The following PCSK7 variants were observed in gnomAD, a reference collection of about 807,000 sequenced individuals.
The protein encoded by PCSK7 is lymphoma proprotein convertase.
PCSK7 carries 38 observed loss-of-function variants against 73.3 expected under a neutral mutation model. That is an observed-to-expected ratio of 0.52 (90% CI 0.40 to 0.68). The LOEUF is 0.68. Among genes scored for constraint, PCSK7 ranks in the 30% least tolerant of loss-of-function variants. The probability of loss-of-function intolerance (pLI) is 0.00; values close to 1 mark genes in which losing one functional copy is unlikely to be tolerated. For synonymous variants in PCSK7, 296 were observed against 383.8 expected (o/e 0.77, Z 2.68); for missense variants, 692 against 991.5 (o/e 0.70, Z 4.06).
chr11:117,228,423 GC>G, intron 3 of PCSK7, 73 bp from the exon 4 acceptor site: 1 of 1,413,840 alleles, frequency 7.1e-7, no homozygotes, highest in Non-Finnish European at 1.0e-6. Flanking sequence ...ATAGCTAGCA[GC>G]CCCTTTTCAC....
chr11:117,224,349 A>G (rs1010133778), intron 7 of PCSK7, 133 bp from the exon 8 acceptor site: 4 of 847,210 alleles, frequency 4.7e-6, no homozygotes, highest in Middle Eastern at 2.8e-4. Flanking sequence ...CATGGGGGAA[A>G]GATTGGAAGA....
intron 12 of PCSK7, chr11:117,215,364 T>TTTTTTTTTTTTGTGTGTGTGTGTG (rs57433360): frequency 2.1e-4 from 18 of 84,894 alleles, no homozygotes; most frequent in African/African-American, 6.0e-4. Flanking sequence ...CCTGGCTAAT[T>TTTTTTTTTTTTGTGTGTGTGTGTG]TGTGTGTGTG....
intron 1 of PCSK7, among the ~76,000 whole-genome samples, chr11:117,230,835 C>T (rs1360940781): frequency 3.3e-5 from 5 of 152,048 alleles, no homozygotes; most frequent in Admixed American, 2.0e-4. Flanking sequence ...AGGAGGGAGG[C>T]GGCGGGGGCG....
At chr11:117,208,794 C>T in intron 13 of PCSK7, 103 bp downstream of exon 13, 1 of 1,157,368 alleles carries the variant, frequency 8.6e-7, no homozygotes, top group Non-Finnish European at 1.2e-6. Context: ...ATAGCCAGTG[C>T]CACAGTAGTT....
chr11:117,212,949 C>T (rs953309028), intron 12 of PCSK7: 1 of 152,268 alleles, frequency 6.6e-6, no homozygotes, highest in African/African-American at 2.4e-5. Flanking sequence ...CTCATGAGCT[C>T]AAGCAATCTG....
At position 117,223,924 on chromosome 11, in the gene PCSK7, C is replaced by T. The variant is rs150303021; in HGVS notation, c.1054+154G>A. 23 of 752,572 alleles carry T rather than the reference C, an allele frequency of 3.1e-5. No individual in the cohort carries two copies. In the East Asian group the frequency reaches 5.9e-4, roughly 19 times the overall value. 46.6% of individuals were successfully genotyped at this position (752,572 alleles called of 1,614,324 possible). A position where few individuals can be genotyped will look rare whatever the true frequency, so the allele number is the denominator to read the frequency against. On this transcript the variant is annotated intron_variant, in intron 8 of 16. Coordinates refer to ENST00000320934, the MANE Select transcript of PCSK7 (RefSeq NM_004716.4). ...AGGGTATGCTGACATCTAAGAAGTCCCAAGGTCCTCTGCAAGCAGGGCTAG... is the reference window on the plus strand; with the variant it reads ...AGGGTATGCTGACATCTAAGAAGTCTCAAGGTCCTCTGCAAGCAGGGCTAG...
intron 9 of PCSK7, 24 bp downstream of exon 9, chr11:117,223,184 G>C: frequency 1.4e-6 from 2 of 1,413,758 alleles, no homozygotes; most frequent in South Asian, 1.1e-5. Context: ...GGGGCAGGCC[G>C]TGGAGGGCCC....
At position 117,223,077 on chromosome 11, in the gene PCSK7, C is replaced by G. The variant is rs545958455; in HGVS notation, c.1155+131G>C. On this transcript the variant is annotated intron_variant, in intron 9 of 16. Coordinates refer to ENST00000320934, the MANE Select transcript of PCSK7 (RefSeq NM_004716.4). ...CAAGGGTGGCATGCCTTAAGACATC[C>G]AGCTCTGTGGGGGAAGAGGAGCCTG... The G allele has an allele frequency of 1.3e-5, 9 of 693,736 alleles. No individual in the cohort carries two copies. In the African/African-American group the frequency reaches 1.6e-4, roughly 12 times the overall value. 43.0% of individuals were successfully genotyped at this position (693,736 alleles called of 1,614,324 possible).
At chr11:117,223,134 G>A (rs567874903) in intron 9 of PCSK7, 74 bp downstream of exon 9, 2 of 888,498 alleles carry the variant, frequency 2.3e-6, no homozygotes, top group East Asian at 4.8e-5. Flanking sequence ...GGAACAGTGA[G>A]AAGCGCTGTG....
intron 6 of PCSK7, chr11:117,225,071 T>C: frequency 4.1e-6 from 1 of 243,070 alleles, no homozygotes; most frequent in South Asian, 1.2e-4. Context: ...TTTTTTTTTT[T>C]TTTCTCCTGA....
chr11:117,227,833 C>A (rs1306099853), intron 4 of PCSK7, among the ~76,000 whole-genome samples: 2 of 152,316 alleles, frequency 1.3e-5, no homozygotes, highest in Middle Eastern at 3.4e-3. Flanking sequence ...CAGCTCCCAG[C>A]AAACTTCTCT....
In PCSK7 at chr11:117,227,201, T is replaced by C; in HGVS notation, c.725A>G (p.Asn242Ser). 4 of 1,611,448 alleles carry C rather than the reference T, an allele frequency of 2.5e-6. No individual in the cohort carries two copies. The African/African-American group carries it at 5.3e-5, about 22-fold the overall frequency. Residue 242 changes from asparagine to serine, a missense_variant, in exon 5 of 17, where the codon AAC (asparagine) becomes AGC (serine). Physicochemically the swap from Asn to Ser is conservative, Grantham distance 46. Coordinates refer to ENST00000320934, the MANE Select transcript of PCSK7 (RefSeq NM_004716.4). ...GGCCACGCCCACGGCACAGAAGCTG[T>C]TGTTGGGCACAGCCGCGATCTCTCC... ...CAGEIAAVPN[N>S]SFCAVGVAYG...
rs773438421 is a variant in PCSK7, at chr11:117,229,810, T to A, written c.35A>T (p.Asp12Val). 1.3e-6 allele frequency: 2 copies of A among 1,590,728 alleles called. No homozygotes were observed. Among genetic ancestry groups the A allele is most frequent in the East Asian group, 2.2e-5 (1 of 44,526 alleles). The change falls in exon 3 of 17, where the codon GAT (aspartate) becomes GTT (valine). Residue 12 changes from aspartate (D) to valine (V), a missense_variant. Transcript: ENST00000320934. ...PKGRQKVPHL[D>V]APLGLPTCLW... The stretch of plus-strand genomic sequence containing the variant: ...GCAGGTGGGCAGGCCCAGGGGGGCA[T>A]CCAAGTGTGGCACTTTCTGCCTCCC...
chr11:117,229,289 G>C, intron 3 of PCSK7, 88 bp downstream of exon 3: 2 of 988,130 alleles, frequency 2.0e-6, no homozygotes, highest in South Asian at 1.5e-5. Context: ...GGATGGAGGT[G>C]ACTGAAGAGT....
intron 12 of PCSK7, chr11:117,213,202 G>A (rs1314248667): frequency 1.3e-5 from 2 of 152,236 alleles, no homozygotes; most frequent in African/African-American, 4.8e-5. Context: ...TTATCCCCGA[G>A]TCTCTAGAAC....
Position 117,218,519 on chromosome 11 carries a change from T to C in PCSK7, c.1481A>G (p.Lys494Arg), listed in dbSNP as rs1269802018. The change falls in exon 12 of 17, where the codon AAA (lysine) becomes AGA (arginine). Residue 494 changes from lysine to arginine, a missense_variant. Physicochemically the swap from Lys to Arg is conservative, Grantham distance 26 (BLOSUM62 2). Transcript: ENST00000320934. This position sits in a 1 kb window ranked among gnomAD's most constrained non-coding sequence, Gnocchi z 4.0. The stretch of plus-strand genomic sequence containing the variant: ...GGACTGCGGAATCGCCTTGTTTTCT[T>C]TTAACACGGGACTGACGTAGGATGC... ...YLASYVSPVL[K>R]ENKAIPQSPR... The C allele has an allele frequency of 8.7e-6, 14 of 1,611,084 alleles. No homozygotes were observed. Among genetic ancestry groups the C allele is most frequent in the Admixed American group, 1.7e-5 (1 of 59,626 alleles).
chr11:117,223,295 C>T lies in PCSK7; in HGVS notation c.1068G>A (p.Glu356=), dbSNP rs946545789. 6.2e-7 allele frequency: 1 copy of T among 1,608,866 alleles called. No homozygotes were observed. Among genetic ancestry groups the T allele is most frequent in the African/African-American group, 1.3e-5 (1 of 74,860 alleles). ...CTGCATAGAAAGGCATGCGTCCCTC[C>T]TCATCCACAGCTCCTAGGGACAGAG... is the stretch of plus-strand genomic sequence containing the variant. ...IYTVTIGAVD[E]EGRMPFYAEE... The change falls in exon 9 of 17, where the codon GAG becomes GAA. Residue 356 remains glutamate (E), a synonymous_variant. Coordinates refer to ENST00000320934, the MANE Select transcript of PCSK7 (RefSeq NM_004716.4).
At position 117,219,123 on chromosome 11, in the gene PCSK7, G is replaced by T. The variant is rs1026617296; in HGVS notation, c.1365C>A (p.Gly455=). The change falls in exon 11 of 17, where the codon GGC becomes GGA. Residue 455 remains glycine (G), a synonymous_variant. Coordinates refer to ENST00000320934, the MANE Select transcript of PCSK7 (RefSeq NM_004716.4). ...RRAEWVTNEA[G]FSHSHQHGFG... is the part of the protein sequence containing the mutation. The stretch of plus-strand genomic sequence containing the variant: ...AACCGTGCTGGTGGCTATGGCTGAA[G>T]CCTGCCTCGTTGGTGACCCACTCTG... 6.2e-7 allele frequency: 1 copy of T among 1,611,270 alleles called. No homozygotes were observed. Among genetic ancestry groups the T allele is most frequent in the African/African-American group, 1.3e-5 (1 of 74,934 alleles).
At position 117,224,230 on chromosome 11, in the gene PCSK7, A is replaced by G; in HGVS notation, c.916-14T>C. 3 of 1,613,836 alleles carry G rather than the reference A, an allele frequency of 1.9e-6. No homozygotes were observed. Among genetic ancestry groups the G allele is most frequent in the Non-Finnish European group, 2.5e-6 (3 of 1,179,790 alleles). ...TTGTAAGGCAGCCTGAGGAGCCAAA[A>G]CATCAGGGTGTCAGTTGAGGAACCC... On this transcript the variant is annotated splice_polypyrimidine_tract_variant and intron_variant, in intron 7 of 16. Transcript: ENST00000320934.
Sources: gnomAD v4.1 joint callset for allele counts (sites outside exome capture counted in the v4.1 genomes callset) on GRCh38, gnomAD v4.1.1 for gene constraint, Gnocchi (gnomAD v3.1) non-coding constraint, MANE v1.5 for transcripts, NCBI Gene and HGNC (gene_info 2026-07-23, HGNC 2026-07-21) for gene names.